KYAT1: variants seen among roughly 807,000 people sequenced by gnomAD.
KYAT1 encodes the protein kynurenine aminotransferase 1.
KYAT1 carries 47 observed loss-of-function variants against 52.4 expected under a neutral mutation model. The ratio of observed to expected loss-of-function variants is 0.90; its 90% confidence interval spans 0.71 to 1.14. KYAT1 has a LOEUF of 1.14. KYAT1 is among the 50% of genes most tolerant of loss of function. The pLI is 0.00. For synonymous variants in KYAT1, 212 were observed against 209.6 expected (o/e 1.01, Z -0.10); for missense variants, 480 against 557.9 (o/e 0.86, Z 1.41).
chr9:128,845,479 A>G, intron 1 of KYAT1, 68 bp from the exon 2 acceptor site: 1 of 1,454,076 alleles, frequency 6.9e-7, no homozygotes, highest in East Asian at 2.3e-5. Context: ...GCTTGCACAC[A>G]GGAGGGACAG....
Position 128,835,547 on chromosome 9 carries a change from A to C in KYAT1, c.976T>G (p.Ser326Ala), listed in dbSNP as rs754887935. 6.2e-7 allele frequency: 1 copy of C among 1,613,498 alleles called. No individual in the cohort carries two copies. The highest frequency in any genetic ancestry group is 8.5e-7 in the Non-Finnish European group (1 of 1,179,990). Residue 326 changes from serine (S) to alanine (A), a missense_variant, in exon 10 of 13, where the codon TCA becomes GCA. Transcript: ENST00000302586. ...CRDHMIRSLQ[S>A]VGLKPIIPQG... ...GGGATGATGGGCTTCAGGCCCACTG[A>C]CTGTAGGCTACGTATCATGTGGTCA...
At chr9:128,836,151 G>A in intron 7 of KYAT1, 78 bp from the exon 8 acceptor site, 1 of 1,286,670 alleles carries the variant, frequency 7.8e-7, no homozygotes, top group Non-Finnish European at 1.1e-6. Context: ...GGCCCCAGGG[G>A]ACACGCATAG....
chr9:128,833,419 T>C lies in KYAT1; in HGVS notation c.*165A>G, dbSNP rs1830448460. 1.4e-6 allele frequency: 1 copy of C among 723,012 alleles called. No homozygotes were observed. The highest frequency in any genetic ancestry group is 2.5e-5 in the Admixed American group (1 of 40,418). The allele number at this position is 723,012 out of a possible 1,614,324, so 44.8% of individuals were successfully genotyped here. The stretch of plus-strand genomic sequence containing the variant: ...ACAGGAGGCACTTGGTTCTCTAAGA[T>C]GAAGAAGGGCGGCTCCCACCCAGAA... On this transcript the variant is annotated 3_prime_UTR_variant, in exon 13 of 13. Transcript: ENST00000302586.
chr9:128,862,286 C>A (rs1376549352), intron 1 of KYAT1, among the ~76,000 whole-genome samples: 1 of 152,182 alleles, frequency 6.6e-6, no homozygotes, highest in East Asian at 1.9e-4. Context: ...CAAATGTGAG[C>A]CACTGTACTT....
At chr9:128,837,077 G>C (rs1238261029) in intron 6 of KYAT1, among the ~76,000 whole-genome samples, 155 bp from the exon 7 acceptor site, 1 of 152,082 alleles carries the variant, frequency 6.6e-6, no homozygotes, top group Non-Finnish European at 1.5e-5. Context: ...GCGGAACACT[G>C]GAGGTCAGGA....
At chr9:128,867,059 T>C (rs1489102888) in intron 1 of KYAT1, among the ~76,000 whole-genome samples, 3 of 152,026 alleles carry the variant, frequency 2.0e-5, no homozygotes, top group African/African-American at 7.3e-5. Flanking sequence ...TACTAAAAGG[T>C]GAGAATTTGT....
intron 3 of KYAT1, among the ~76,000 whole-genome samples, chr9:128,841,481 G>A (rs1031577665): frequency 6.6e-6 from 1 of 151,148 alleles, no homozygotes; most frequent in African/African-American, 2.4e-5. Context: ...AGATCGTGCC[G>A]CTGCACTCCA....
rs1830814349 is a variant in KYAT1, at chr9:128,835,174, C to G, written c.1122+149G>C. On this transcript the variant is annotated intron_variant, in intron 11 of 12. Coordinates refer to ENST00000302586, the MANE Select transcript of KYAT1 (RefSeq NM_004059.5). ...AAGAAAGAAAAAAAGAAACAGCCTCCTCATTCTCTGAAGTGGATACAACCC... is the reference window on the plus strand; with the variant it reads ...AAGAAAGAAAAAAAGAAACAGCCTCGTCATTCTCTGAAGTGGATACAACCC... The G allele has an allele frequency of 9.8e-6, 7 of 715,418 alleles. No homozygotes were observed. In the Admixed American group the frequency reaches 1.6e-4, roughly 16 times the overall value. The allele number at this position is 715,418 out of a possible 1,614,324, so 44.3% of individuals were successfully genotyped here.
intron 1 of KYAT1, among the ~76,000 whole-genome samples, chr9:128,857,370 C>T (rs929121410): frequency 2.6e-5 from 4 of 152,218 alleles, no homozygotes; most frequent in African/African-American, 9.6e-5. Flanking sequence ...TGTCTCTATA[C>T]TTCATCTCTG....
rs565938884 is a variant in KYAT1, at chr9:128,873,135, C to T, written c.-7+8762G>A. ...AATTGTGCAAAGAGAACTTAATAAT[C>T]GAGAAAATTATTATTGGATAATAAT... On this transcript the variant is annotated intron_variant, in intron 1 of 12. Coordinates refer to ENST00000302586, the MANE Select transcript of KYAT1 (RefSeq NM_004059.5). 4.1e-5 allele frequency among the ~76,000 whole-genome samples: 6 copies of T among 147,650 alleles called. No individual in the cohort carries two copies. The East Asian group carries it at 9.9e-4, about 24-fold the overall frequency.
intron 1 of KYAT1, among the ~76,000 whole-genome samples, chr9:128,859,104 T>A (rs1835089504): frequency 6.6e-6 from 1 of 152,084 alleles, no homozygotes; most frequent in African/African-American, 2.4e-5. Context: ...GACTCACGCC[T>A]GTAATCCCAG....
chr9:128,846,862 G>A, intron 1 of KYAT1: 1 of 1,533,934 alleles, frequency 6.5e-7, no homozygotes, highest in Non-Finnish European at 8.7e-7. Context: ...GCCACCTGCT[G>A]TGGTCAATAG....
chr9:128,878,122 A>G (rs1007917523), intron 1 of KYAT1, among the ~76,000 whole-genome samples: 1 of 152,090 alleles, frequency 6.6e-6, no homozygotes, highest in Non-Finnish European at 1.5e-5. Flanking sequence ...CCACTTGTCA[A>G]TGACAACAAG....
intron 1 of KYAT1, among the ~76,000 whole-genome samples, chr9:128,850,512 C>T (rs917207277): frequency 6.6e-6 from 1 of 152,182 alleles, no homozygotes; most frequent in African/African-American, 2.4e-5. Flanking sequence ...ATTCTCTAGT[C>T]TCAATAAACC....
At chr9:128,881,808 C>T (rs1292599809) in intron 1 of KYAT1, 89 bp downstream of exon 1, 2 of 152,302 alleles carry the variant, frequency 1.3e-5, no homozygotes, top group East Asian at 3.8e-4. Flanking sequence ...ATTAAGCACT[C>T]TAGCACAACC....
intron 2 of KYAT1, among the ~76,000 whole-genome samples, chr9:128,844,922 T>C (rs1385526951): frequency 6.6e-6 from 1 of 152,088 alleles, no homozygotes; most frequent in Non-Finnish European, 1.5e-5. Context: ...CCTCTGCAAA[T>C]GTCTGGTGAA....
intron 1 of KYAT1, among the ~76,000 whole-genome samples, chr9:128,850,535 C>T (rs1833816258): frequency 6.6e-6 from 1 of 152,180 alleles, no homozygotes; most frequent in African/African-American, 2.4e-5. Context: ...GGGCACAATG[C>T]ACTGCAGAAA....
intron 3 of KYAT1, among the ~76,000 whole-genome samples, chr9:128,841,120 C>A (rs1472863606): frequency 6.6e-6 from 1 of 152,136 alleles, no homozygotes; most frequent in African/African-American, 2.4e-5. Flanking sequence ...GCCTGTAATC[C>A]CAGCACTCTG....
At chr9:128,840,928 G>T (rs1832046876) in intron 3 of KYAT1, among the ~76,000 whole-genome samples, 2 of 152,304 alleles carry the variant, frequency 1.3e-5, no homozygotes, top group Admixed American at 6.5e-5. Context: ...TTATCTTAGA[G>T]AAATACATAT....
Sources: allele counts gnomAD v4.1 joint callset (sites outside exome capture counted in the v4.1 genomes callset), GRCh38; gene constraint gnomAD v4.1.1; transcripts MANE v1.5; gene names NCBI Gene and HGNC (gene_info 2026-07-23, HGNC 2026-07-21).